CNTN6: variants seen among roughly 807,000 people sequenced by gnomAD.
CNTN6 encodes contactin 6.
In CNTN6, 137 loss-of-function variants were observed where a neutral mutation model predicts 122.8. That is an observed-to-expected ratio of 1.12 (90% confidence interval 0.97 to 1.29). CNTN6 has a LOEUF of 1.29. Among genes scored for constraint, CNTN6 ranks in the 50% most tolerant of loss-of-function variants. The pLI is 0.00. For missense variants in CNTN6, 1,634 were observed against 1,223.4 expected, an observed-to-expected ratio of 1.34 and a Z score of -5.01; for synonymous variants, 570 against 426.0, an observed-to-expected ratio of 1.34 and a Z score of -4.16.
At chr3:1,155,151 C>T (rs533117506) in intron 2 of CNTN6, among the ~76,000 whole-genome samples, 23 of 152,234 alleles carry the variant, frequency 1.5e-4, no homozygotes, top group African/African-American at 3.6e-4. Context: ...TCAATGAGCT[C>T]GTCGCTATCT....
chr3:1,237,410 C>A (rs2094435433), intron 4 of CNTN6, among the ~76,000 whole-genome samples: 1 of 151,978 alleles, frequency 6.6e-6, no homozygotes, highest in Non-Finnish European at 1.5e-5. Context: ...ACATTAAATA[C>A]CCAAACCTAA....
intron 2 of CNTN6, among the ~76,000 whole-genome samples, chr3:1,198,766 A>G (rs2093816547): frequency 6.6e-6 from 1 of 152,076 alleles, no homozygotes; most frequent in African/African-American, 2.4e-5. Flanking sequence ...ATGCTGAGCT[A>G]CAACATAGTA....
chr3:1,403,043 A>G (rs550833938), intron 22 of CNTN6, among the ~76,000 whole-genome samples: 4 of 152,270 alleles, frequency 2.6e-5, no homozygotes, highest in African/African-American at 9.6e-5. Flanking sequence ...GCTGTGATTG[A>G]GTGCAAGTCA....
rs117704504 is a variant in CNTN6, at chr3:1,099,596, C to T, written c.-83+6476C>T. 4.4e-3 allele frequency among the ~76,000 whole-genome samples: 672 copies of T among 152,202 alleles called. 40 individuals carry two copies. In the East Asian group the frequency reaches 0.11, roughly 24 times the overall value. On this transcript the variant is annotated intron_variant, in intron 1 of 22. Transcript: ENST00000446702. ...TCACTATTGCAGTGTTCTATTATCA[C>T]ATACATTGAAAACTTATACACATTA... is the stretch of plus-strand genomic sequence containing the variant.
chr3:1,196,341 A>G (rs2093778233), intron 2 of CNTN6, among the ~76,000 whole-genome samples: 2 of 152,154 alleles, frequency 1.3e-5, no homozygotes, highest in Non-Finnish European at 2.9e-5. Flanking sequence ...TGGGGCCTGC[A>G]TTTTCTCTGG....
At chr3:1,197,181 G>T (rs1398311108) in intron 2 of CNTN6, among the ~76,000 whole-genome samples, 2 of 152,182 alleles carry the variant, frequency 1.3e-5, no homozygotes, top group Non-Finnish European at 2.9e-5. Flanking sequence ...AGTCATTGCA[G>T]TGCCATTGTT....
chr3:1,264,410 T>C (rs1040290268), intron 4 of CNTN6, among the ~76,000 whole-genome samples: 4 of 152,162 alleles, frequency 2.6e-5, no homozygotes, highest in Admixed American at 6.5e-5. Flanking sequence ...TGTAAACTTA[T>C]TGAATCAGCC....
At chr3:1,228,134 G>T (rs575634593) in intron 4 of CNTN6, 141 bp downstream of exon 4, 1 of 712,654 alleles carries the variant, frequency 1.4e-6, no homozygotes, top group East Asian at 2.7e-5. Context: ...TGTTCATTTT[G>T]TGAATCTAGA....
chr3:1,274,698 A>G (rs1181314388), intron 4 of CNTN6, among the ~76,000 whole-genome samples: 1 of 152,088 alleles, frequency 6.6e-6, no homozygotes, highest in African/African-American at 2.4e-5. Context: ...ATTTTACTGG[A>G]ACTAGCATGT....
At chr3:1,387,893 C>G (rs1461593660) in intron 20 of CNTN6, among the ~76,000 whole-genome samples, 1 of 152,192 alleles carries the variant, frequency 6.6e-6, no homozygotes, top group Non-Finnish European at 1.5e-5. Context: ...ATATCCTGCA[C>G]CCGGCTCGGA....
At position 1,294,204 on chromosome 3, in the gene CNTN6, C is replaced by T. The variant is rs574604851; in HGVS notation, c.455-1397C>T. ...TCAATCTGGAAATAATCCAAATGCT[C>T]ATCAACAGGAAGGTGTCCAATCAAA... On this transcript the variant is annotated intron_variant, in intron 5 of 22. Coordinates refer to ENST00000446702, the MANE Select transcript of CNTN6 (RefSeq NM_001289080.2). Among the ~76,000 whole-genome samples the T allele has an allele frequency of 6.6e-5, 10 of 152,212 alleles. No individual in the cohort carries two copies. The South Asian group carries it at 1.7e-3, about 25-fold the overall frequency.
intron 6 of CNTN6, 77 bp downstream of exon 6, chr3:1,295,881 C>T (rs2125865654): frequency 2.2e-6 from 3 of 1,341,220 alleles, no homozygotes; most frequent in Middle Eastern, 2.0e-4. Context: ...AAGCTTTCTG[C>T]TTCCTTCTTG....
intron 5 of CNTN6, among the ~76,000 whole-genome samples, chr3:1,286,246 G>A (rs765130799): frequency 1.3e-5 from 2 of 152,104 alleles, no homozygotes; most frequent in Non-Finnish European, 2.9e-5. Flanking sequence ...TGTGAAGAAA[G>A]TGCAGGTTTG....
chr3:1,294,711 G>C (rs1695913166), intron 5 of CNTN6, among the ~76,000 whole-genome samples: 1 of 152,144 alleles, frequency 6.6e-6, no homozygotes. Flanking sequence ...TCCGTCACTT[G>C]GATAGCTCTA....
chr3:1,199,406 C>T (rs2093827341), intron 2 of CNTN6, among the ~76,000 whole-genome samples: 1 of 152,020 alleles, frequency 6.6e-6, no homozygotes, highest in East Asian at 1.9e-4. Context: ...TCTCAAACTC[C>T]TAGGCTCAAG....
chr3:1,267,625 GAAGT>G (rs1439051625), intron 4 of CNTN6, among the ~76,000 whole-genome samples: 1 of 152,164 alleles, frequency 6.6e-6, no homozygotes, highest in Non-Finnish European at 1.5e-5. Flanking sequence ...ATCCAAGTAG[GAAGT>G]AAGAAGGTCT....
chr3:1,329,032 A>G (rs995180069), intron 10 of CNTN6, among the ~76,000 whole-genome samples: 3 of 151,514 alleles, frequency 2.0e-5, no homozygotes, highest in Non-Finnish European at 3.0e-5. Flanking sequence ...ACAATACAAT[A>G]CCACTGAAAT....
chr3:1,320,503 C>T (rs1258344067), intron 7 of CNTN6, among the ~76,000 whole-genome samples: 1 of 151,628 alleles, frequency 6.6e-6, no homozygotes, highest in African/African-American at 2.4e-5. Flanking sequence ...GATGAGCCTC[C>T]CACATTCCTT....
intron 2 of CNTN6, among the ~76,000 whole-genome samples, chr3:1,193,163 G>A (rs549756377): frequency 6.6e-6 from 1 of 152,256 alleles, no homozygotes; most frequent in South Asian, 2.1e-4. Context: ...ATTAAGCGCA[G>A]GTTAACACAA....
Sources: gnomAD v4.1 joint callset for allele counts (sites outside exome capture counted in the v4.1 genomes callset) on GRCh38, gnomAD v4.1.1 for gene constraint, MANE v1.5 for transcripts, NCBI Gene and HGNC (gene_info 2026-07-23, HGNC 2026-07-21) for gene names.